Variants in CHID1 observed in about 807,000 individuals in gnomAD.
CHID1 encodes chitinase domain containing 1, also known as chitinase domain-containing protein 1.
In CHID1, 44 loss-of-function variants were observed where a neutral mutation model predicts 55.4. The observed-to-expected ratio is 0.79, with a 90% CI of 0.62 to 1.02. The LOEUF is 1.02. CHID1 is among the 50% of genes least tolerant of loss of function. CHID1 has a pLI of 0.00. For synonymous variants in CHID1, 216 were observed against 212.9 expected, an observed-to-expected ratio of 1.01 and a Z score of -0.13; for missense variants, 491 against 515.3, an observed-to-expected ratio of 0.95 and a Z score of 0.46.
chr11:910,500 G>C, intron 1 of CHID1: 1 of 750,848 alleles, frequency 1.3e-6, no homozygotes, highest in Non-Finnish European at 1.8e-6. Context: ...TCCCACTCGC[G>C]GTCCCCCCGA....
At chr11:911,500 A>T (rs779039618), upstream of CHID1, 13 of 151,756 alleles carry the variant, frequency 8.6e-5, no homozygotes, top group Non-Finnish European at 1.8e-4. Context: ...CCCCAGCCCT[A>T]GCCGTTCCCA....
intron 2 of CHID1, among the ~76,000 whole-genome samples, chr11:903,379 C>G (rs974529726): frequency 6.6e-6 from 1 of 152,234 alleles, no homozygotes; most frequent in East Asian, 1.9e-4. Context: ...GGCAGACAGA[C>G]AGTTATGGTG....
At chr11:910,218 G>T (rs577960385) in intron 1 of CHID1, among the ~76,000 whole-genome samples, 1 of 152,254 alleles carries the variant, frequency 6.6e-6, no homozygotes, top group East Asian at 1.9e-4. Context: ...TCAAGGGTTG[G>T]GGCTGAACCA....
chr11:881,119 T>A (rs539534625), intron 10 of CHID1, among the ~76,000 whole-genome samples: 2 of 152,108 alleles, frequency 1.3e-5, no homozygotes, highest in East Asian at 3.9e-4. Context: ...ATGGAAGACG[T>A]AAAGGGGACC....
At chr11:882,868 G>A (rs974903839) in intron 10 of CHID1, 16 of 390,746 alleles carry the variant, frequency 4.1e-5, no homozygotes, top group Non-Finnish European at 7.0e-5. Flanking sequence ...TATGCTGTGG[G>A]GCAAGGCTGA....
At chr11:911,927 C>T (rs762664773), upstream of CHID1, among the ~76,000 whole-genome samples, 1 of 152,256 alleles carries the variant, frequency 6.6e-6, no homozygotes, top group Non-Finnish European at 1.5e-5. Flanking sequence ...GACATATGCG[C>T]AGTCCTCCCA....
At chr11:913,120 G>A (rs1360742673), upstream of CHID1, among the ~76,000 whole-genome samples, 1 of 151,566 alleles carries the variant, frequency 6.6e-6, no homozygotes, top group Non-Finnish European at 1.5e-5. Context: ...CAATGCTTTG[G>A]GAGGCCAAGG....
At position 883,288 on chromosome 11, in the gene CHID1, T is replaced by A. The variant is rs765291416; in HGVS notation, c.819A>T (p.Ala273=). ...YSTAHQPGPN[A]PLSWVRACVQ... Reference sequence around the variant, plus strand: ...CGCAGGCTCGAACCCAGGACAGGGGTGCATTAGGGCCAGGCCTGCAGGGCA... The same window carrying A: ...CGCAGGCTCGAACCCAGGACAGGGGAGCATTAGGGCCAGGCCTGCAGGGCA... Residue 273 remains alanine (A), a synonymous_variant, in exon 10 of 13, where the codon GCA becomes GCT. Transcript: ENST00000323578. The A allele has an allele frequency of 6.2e-7, 1 of 1,613,092 alleles. No individual in the cohort carries two copies. The highest frequency in any genetic ancestry group is 8.5e-7 in the Non-Finnish European group (1 of 1,179,336).
chr11:895,856 T>C (rs1317050855), intron 7 of CHID1, among the ~76,000 whole-genome samples: 2 of 152,070 alleles, frequency 1.3e-5, no homozygotes, highest in African/African-American at 4.8e-5. Flanking sequence ...GGATACTGCC[T>C]GCCCCTGCCA....
intron 8 of CHID1, among the ~76,000 whole-genome samples, chr11:887,649 C>T (rs916864210): frequency 2.0e-5 from 3 of 152,224 alleles, no homozygotes. Context: ...AGCTTCTACT[C>T]TGCAGGGGCC....
chr11:869,675 G>C lies in CHID1; in HGVS notation c.*183C>G. Reference sequence around the variant, plus strand: ...GAGCTCTCAGGGTGTCCCCCAGCTAGGACTCATCCAGGGCAGGGACCCCTC... The same window carrying C: ...GAGCTCTCAGGGTGTCCCCCAGCTACGACTCATCCAGGGCAGGGACCCCTC... On this transcript the variant is annotated 3_prime_UTR_variant, in exon 13 of 13. Transcript: ENST00000323578. 1.6e-6 allele frequency: 1 copy of C among 619,152 alleles called. No homozygotes were observed. Among genetic ancestry groups the C allele is most frequent in the Non-Finnish European group, 2.9e-6 (1 of 349,200 alleles). The allele number at this position is 619,152 out of a possible 1,614,324, so 38.4% of individuals were successfully genotyped here.
chr11:879,008 G>A (rs536652677), intron 10 of CHID1, among the ~76,000 whole-genome samples: 17 of 152,186 alleles, frequency 1.1e-4, no homozygotes, highest in Non-Finnish European at 2.2e-4. Flanking sequence ...CACCACGCCC[G>A]GCTAATTTTT....
At chr11:890,263 C>G (rs555516306) in intron 8 of CHID1, among the ~76,000 whole-genome samples, 146 of 152,282 alleles carry the variant, frequency 9.6e-4, no homozygotes, top group Admixed American at 2.2e-3. Flanking sequence ...CAGCACGCGG[C>G]CTGCCCCATC....
At chr11:880,777 G>A (rs895561399) in intron 10 of CHID1, among the ~76,000 whole-genome samples, 13 of 152,284 alleles carry the variant, frequency 8.5e-5, no homozygotes, top group Admixed American at 4.6e-4. Flanking sequence ...GCAAAAACTC[G>A]TAAAGACGAC....
chr11:893,395 A>G lies in CHID1; in HGVS notation c.701+32T>C, dbSNP rs1273111104. ...TGCCCCCGACCCCAGAGCCCTCCAC[A>G]GCCACCCCCACATCTCAAGAGCGGC... On this transcript the variant is annotated intron_variant, in intron 8 of 12. Coordinates refer to ENST00000323578, the MANE Select transcript of CHID1 (RefSeq NM_023947.4). The G allele has an allele frequency of 3.9e-6, 6 of 1,528,896 alleles. No homozygotes were observed. The South Asian group carries it at 7.3e-5, about 19-fold the overall frequency. The allele number at this position is 1,528,896 out of a possible 1,614,324, so 94.7% of individuals were successfully genotyped here.
At chr11:911,791 CAGCTT>C (rs1200081467), upstream of CHID1, among the ~76,000 whole-genome samples, 11 of 152,342 alleles carry the variant, frequency 7.2e-5, no homozygotes, top group East Asian at 2.1e-3. Context: ...GGCTCTTACT[CAGCTT>C]AGCACTCGCT....
At chr11:900,880 G>A in intron 5 of CHID1, 56 bp downstream of exon 5, 2 of 1,498,900 alleles carry the variant, frequency 1.3e-6, no homozygotes, top group Admixed American at 1.8e-5. Flanking sequence ...GTGCCCACCT[G>A]TCCACCCCCG....
At chr11:912,926 T>C (rs1490669787), upstream of CHID1, among the ~76,000 whole-genome samples, 1 of 152,068 alleles carries the variant, frequency 6.6e-6, no homozygotes, top group East Asian at 1.9e-4. Context: ...GAATGATACA[T>C]ACCAAGATTT....
intron 1 of CHID1, among the ~76,000 whole-genome samples, chr11:906,630 C>T (rs780570782): frequency 3.9e-5 from 6 of 152,210 alleles, no homozygotes; most frequent in East Asian, 1.9e-4. Flanking sequence ...TCAATGAAGA[C>T]GCTACAAGAC....
Sources: allele counts gnomAD v4.1 joint callset (sites outside exome capture counted in the v4.1 genomes callset), GRCh38; gene constraint gnomAD v4.1.1; transcripts MANE v1.5; gene names NCBI Gene and HGNC (gene_info 2026-07-23, HGNC 2026-07-21).